The following SHISA9 variants were observed in gnomAD, a reference collection of about 807,000 sequenced individuals.
SHISA9 encodes shisa family member 9.
SHISA9 carries 13 observed loss-of-function variants against 38.0 expected under a neutral mutation model. That is an observed-to-expected ratio of 0.34 (90% confidence interval 0.22 to 0.54). SHISA9 has a LOEUF of 0.54. Ranked by LOEUF, SHISA9 falls within the 20% of genes least tolerant of loss-of-function variation. The probability of loss-of-function intolerance (pLI) is 0.91; values close to 1 mark genes in which losing one functional copy is unlikely to be tolerated. For synonymous variants in SHISA9, 275 were observed against 242.0 expected (o/e 1.14, Z -1.27); for missense variants, 538 against 575.8 (o/e 0.93, Z 0.67).
At chr16:13,391,744 C>G in the SHISA9 span, among the ~76,000 whole-genome samples, 1 of 152,162 alleles carries the variant, frequency 6.6e-6, no homozygotes, top group African/African-American at 2.4e-5. Flanking sequence ...GACCTCTGAT[C>G]TTGGATAACC....
At chr16:13,162,785 G>A (rs938951320) in intron 2 of SHISA9, among the ~76,000 whole-genome samples, 1 of 151,882 alleles carries the variant, frequency 6.6e-6, no homozygotes, top group African/African-American at 2.4e-5. Flanking sequence ...GATTCTAATT[G>A]CTAGTGTTCT....
the SHISA9 span, among the ~76,000 whole-genome samples, chr16:13,497,685 C>T: frequency 9.4e-6 from 1 of 106,370 alleles, no homozygotes; most frequent in Admixed American, 1.1e-4. Flanking sequence ...ACTCCGTCTC[C>T]AAAAAAAAAA....
intron 2 of SHISA9, among the ~76,000 whole-genome samples, chr16:12,935,659 G>T (rs11647625): frequency 6.6e-6 from 1 of 151,932 alleles, no homozygotes; most frequent in African/African-American, 2.4e-5. Context: ...ATCAGCCTGG[G>T]CAACACAGTG....
chr16:13,074,137 T>C (rs905025769), intron 2 of SHISA9, among the ~76,000 whole-genome samples: 5 of 152,052 alleles, frequency 3.3e-5, no homozygotes, highest in African/African-American at 4.8e-5. Context: ...GCCTGGCTAA[T>C]TTTTGTATTT....
chr16:13,289,208 G>A, the SHISA9 span, among the ~76,000 whole-genome samples: 3 of 152,194 alleles, frequency 2.0e-5, no homozygotes, highest in African/African-American at 7.2e-5. Flanking sequence ...CTGGCATTGT[G>A]TTGTCCTGTC....
the SHISA9 span, among the ~76,000 whole-genome samples, chr16:13,507,901 C>A: frequency 6.6e-6 from 1 of 152,178 alleles, no homozygotes; most frequent in African/African-American, 2.4e-5. Flanking sequence ...GCCTTAGGTG[C>A]ACACACTATT....
the SHISA9 span, among the ~76,000 whole-genome samples, chr16:13,434,302 A>T: frequency 1.7e-3 from 256 of 152,104 alleles, no homozygotes; most frequent in African/African-American, 5.9e-3. Context: ...ACTGACTCAG[A>T]TGTTCATCTC....
chr16:13,141,499 A>C (rs1567225578), intron 2 of SHISA9, among the ~76,000 whole-genome samples: 1 of 152,034 alleles, frequency 6.6e-6, no homozygotes, highest in Non-Finnish European at 1.5e-5. Flanking sequence ...ATCCTGGCTA[A>C]CATGGTGAAA....
chr16:12,950,185 G>A (rs2071736661), intron 2 of SHISA9, among the ~76,000 whole-genome samples: 2 of 152,144 alleles, frequency 1.3e-5, no homozygotes, highest in African/African-American at 4.8e-5. Flanking sequence ...CTATGTTGCT[G>A]CAAATGACAG....
intron 2 of SHISA9, among the ~76,000 whole-genome samples, chr16:13,088,625 G>A (rs1410738801): frequency 1.3e-5 from 2 of 152,144 alleles, no homozygotes; most frequent in East Asian, 3.9e-4. Context: ...TGTTAATGGT[G>A]TATAGGAATG....
chr16:13,048,955 T>C (rs1024280914), intron 2 of SHISA9, among the ~76,000 whole-genome samples: 2 of 152,244 alleles, frequency 1.3e-5, no homozygotes, highest in Non-Finnish European at 2.9e-5. Flanking sequence ...CTATTACTTA[T>C]TGACTGAGTC....
chr16:13,210,384 G>T (rs1456167191), intron 3 of SHISA9, among the ~76,000 whole-genome samples: 1 of 152,012 alleles, frequency 6.6e-6, no homozygotes, highest in East Asian at 1.9e-4. Flanking sequence ...AAAGAGACAG[G>T]ATGTACCAGC....
At chr16:13,462,969 A>G in the SHISA9 span, among the ~76,000 whole-genome samples, 8 of 144,504 alleles carry the variant, frequency 5.5e-5, no homozygotes, top group African/African-American at 1.7e-4. Context: ...CTTAAAAAAT[A>G]AATAAATAAA....
chr16:13,066,946 C>T (rs2141917077), intron 2 of SHISA9, among the ~76,000 whole-genome samples: 1 of 152,274 alleles, frequency 6.6e-6, no homozygotes, highest in African/African-American at 2.4e-5. Context: ...ACAGTCTGAA[C>T]ACTGGTTTTG....
chr16:12,984,649 G>A (rs563543829), intron 2 of SHISA9, among the ~76,000 whole-genome samples: 1 of 152,136 alleles, frequency 6.6e-6, no homozygotes, highest in Non-Finnish European at 1.5e-5. Flanking sequence ...TTAAAACCTA[G>A]GGTTTTTGAA....
chr16:13,376,778 T>C, the SHISA9 span, among the ~76,000 whole-genome samples: 1 of 152,064 alleles, frequency 6.6e-6, no homozygotes, highest in Admixed American at 6.6e-5. Flanking sequence ...ACTGCAGCCT[T>C]GACCTCTTGG....
chr16:13,490,290 C>T, the SHISA9 span, among the ~76,000 whole-genome samples: 20 of 152,266 alleles, frequency 1.3e-4, no homozygotes, highest in East Asian at 3.9e-3. Context: ...GGGCCGGGCA[C>T]AGTGACGCAC....
At chr16:13,387,636 C>G in the SHISA9 span, among the ~76,000 whole-genome samples, 1 of 151,922 alleles carries the variant, frequency 6.6e-6, no homozygotes, top group Non-Finnish European at 1.5e-5. Flanking sequence ...ATTACAGGCA[C>G]GTGCCACCAC....
intron 2 of SHISA9, among the ~76,000 whole-genome samples, chr16:13,185,383 G>T (rs2050811831): frequency 6.6e-6 from 1 of 151,940 alleles, no homozygotes; most frequent in South Asian, 2.1e-4. Flanking sequence ...AAATTTTTTT[G>T]GTAGAGATGG....
Sources: allele counts gnomAD v4.1 joint callset (sites outside exome capture counted in the v4.1 genomes callset), GRCh38; gene constraint gnomAD v4.1.1; transcripts MANE v1.5; gene names NCBI Gene and HGNC (gene_info 2026-07-23, HGNC 2026-07-21).